ZNF496: variants seen among roughly 807,000 people sequenced by gnomAD.
ZNF496 encodes NSD1 (nuclear receptor binding SET-domain containing 1)-interacting zinc finger protein 1.
In ZNF496, 11 loss-of-function variants were observed where a neutral mutation model predicts 58.9. That is an observed-to-expected ratio of 0.19 (90% CI 0.12 to 0.31). ZNF496 has a LOEUF of 0.31. ZNF496 is among the 10% of genes least tolerant of loss of function. ZNF496 has a pLI of 1.00. For missense variants in ZNF496, 660 were observed against 783.0 expected (o/e 0.84, Z 1.88); for synonymous variants, 338 against 318.2 (o/e 1.06, Z -0.66).
chr1:247,329,590 AT>A lies in ZNF496; in HGVS notation c.-13del. The A allele has an allele frequency of 6.5e-7, 1 of 1,536,142 alleles. No homozygotes were observed. The highest frequency in any genetic ancestry group is 8.7e-7 in the Non-Finnish European group (1 of 1,147,170). ...AGGGCTGTGGGCATGATGGGATTTG[AT>A]GGGGGTCAGCAGCAGAAGACGACCC... On this transcript the variant is annotated 5_prime_UTR_variant, in exon 4 of 10. Coordinates refer to ENST00000682384, the MANE Select transcript of ZNF496 (RefSeq NM_032752.3). The surrounding 1 kb of genome is among the most constrained non-coding windows in gnomAD (Gnocchi z 5.5).
At chr1:247,321,311 T>C (rs555655745) in intron 6 of ZNF496, among the ~76,000 whole-genome samples, 392 of 152,274 alleles carry the variant, frequency 2.6e-3, no homozygotes, top group African/African-American at 8.9e-3. Context: ...GAGGTATTTA[T>C]AGTCAAATTA....
At position 247,308,690 on chromosome 1, in the gene ZNF496, CCCTGGGCTCCGT is replaced by C. The variant is rs1038262569; in HGVS notation, c.893-114_893-103del. 1.8e-6 allele frequency: 2 copies of C among 1,126,292 alleles called. No homozygotes were observed. The highest frequency in any genetic ancestry group is 2.6e-6 in the Non-Finnish European group (2 of 767,762). 69.8% of individuals were successfully genotyped at this position (1,126,292 alleles called of 1,614,324 possible). On this transcript the variant is annotated intron_variant, in intron 8 of 9. Transcript: ENST00000682384. The surrounding 1 kb of genome is among the most constrained non-coding windows in gnomAD (Gnocchi z 4.5). ...ATGCCAGGCTACGATCTGGGGGCGG[CCCTGGGCTCCGT>C]CCTGGGGACTGGCAGGGGGTGGCCA...
chr1:247,309,703 G>A lies in ZNF496; in HGVS notation c.888C>T (p.Tyr296=), dbSNP rs748426576. 1.2e-6 allele frequency: 2 copies of A among 1,614,020 alleles called. No individual in the cohort carries two copies. Among genetic ancestry groups the A allele is most frequent in the Admixed American group, 1.7e-5 (1 of 59,984 alleles). ...AGTTCTGGAATCATTACTCACCCAA[G>A]TAGGAGACCTGGGGCACTTCTTTGC... The part of the protein sequence containing the change: ...LQGKEVPQVS[Y]LDSPSLQPFQ... The change falls in exon 8 of 10, where the codon TAC becomes TAT. Residue 296 remains tyrosine, a synonymous_variant. Transcript: ENST00000682384. The surrounding 1 kb of genome is among the most constrained non-coding windows in gnomAD (Gnocchi z 4.3).
chr1:247,329,689 A>G lies in ZNF496; in HGVS notation c.-37-74T>C. ...TCATTTCTGGGGGACAGTGACAAGGAAACTGTCAATGCCCTCAGAGACCAG... is the reference window on the plus strand; with the variant it reads ...TCATTTCTGGGGGACAGTGACAAGGGAACTGTCAATGCCCTCAGAGACCAG... On this transcript the variant is annotated intron_variant, in intron 3 of 9. Coordinates refer to ENST00000682384, the MANE Select transcript of ZNF496 (RefSeq NM_032752.3). The surrounding 1 kb of genome is among the most constrained non-coding windows in gnomAD (Gnocchi z 5.5). 3 of 1,382,494 alleles carry G rather than the reference A, an allele frequency of 2.2e-6. No homozygotes were observed. The highest frequency in any genetic ancestry group is 1.9e-6 in the Non-Finnish European group (2 of 1,027,140). The allele number at this position is 1,382,494 out of a possible 1,614,324, so 85.6% of individuals were successfully genotyped here.
intron 6 of ZNF496, among the ~76,000 whole-genome samples, chr1:247,315,995 G>A (rs935342688): frequency 5.3e-5 from 8 of 152,098 alleles, no homozygotes; most frequent in African/African-American, 1.4e-4. Flanking sequence ...AACAGGCCTC[G>A]GGAAGCCACT....
Position 247,322,183 on chromosome 1 carries a change from C to T in ZNF496, c.651+971G>A, listed in dbSNP as rs77228628. Among the ~76,000 whole-genome samples, 225 of 152,136 alleles carry T rather than the reference C, an allele frequency of 1.5e-3. 6 individuals are homozygous for T. In the East Asian group the frequency reaches 0.039, roughly 26 times the overall value. On this transcript the variant is annotated intron_variant, in intron 6 of 9. Transcript: ENST00000682384. ...CTGTAGTCCCAGCTGCTCAGGAGAC[C>T]GAGGTGGGAGGATGGCTTGAGCTCA...
Position 247,300,855 on chromosome 1 carries a change from G to A in ZNF496, c.1428C>T (p.Ser476=), listed in dbSNP as rs757709426. The A allele has an allele frequency of 6.2e-7, 1 of 1,610,928 alleles. No individual in the cohort carries two copies. The change falls in exon 10 of 10, where the codon TCC becomes TCT. Residue 476 remains serine, a synonymous_variant. Coordinates refer to ENST00000682384, the MANE Select transcript of ZNF496 (RefSeq NM_032752.3). The surrounding 1 kb of genome is among the most constrained non-coding windows in gnomAD (Gnocchi z 5.7). ...GTATCCGCCGGTGGGAGAGCAGGTG[G>A]GAGTTCAGGCGGAAGCTCTTCCCGC... The part of the protein sequence containing the change: ...GACGKSFRLN[S]HLLSHRRIHL...
intron 6 of ZNF496, chr1:247,313,773 G>A (rs1008419837): frequency 6.6e-6 from 1 of 152,204 alleles, no homozygotes; most frequent in Non-Finnish European, 1.5e-5. Context: ...AGCGGATTAA[G>A]TAAGCTACAG....
chr1:247,316,398 G>T (rs1429297815), intron 6 of ZNF496, among the ~76,000 whole-genome samples: 1 of 152,118 alleles, frequency 6.6e-6, no homozygotes, highest in African/African-American at 2.4e-5. Flanking sequence ...GATCCCCCAT[G>T]TGGCAGTATT....
chr1:247,326,031 CACACGCATATATATATAT>C (rs1482257200), intron 5 of ZNF496, among the ~76,000 whole-genome samples: 4 of 130,788 alleles, frequency 3.1e-5, no homozygotes, highest in Admixed American at 2.6e-4. Flanking sequence ...TATATATATA[CACACGCATATATATATAT>C]ACACACACAC....
chr1:247,309,967 G>T lies in ZNF496; in HGVS notation c.785-161C>A. On this transcript the variant is annotated intron_variant, in intron 7 of 9. Coordinates refer to ENST00000682384, the MANE Select transcript of ZNF496 (RefSeq NM_032752.3). This position sits in a 1 kb window ranked among gnomAD's most constrained non-coding sequence, Gnocchi z 4.3. ...GAGCTGGCAGTGCAGGGGCAGTGGGGGCAGCACACGCAGGGAGAGCTATGG... is the reference window on the plus strand; with the variant it reads ...GAGCTGGCAGTGCAGGGGCAGTGGGTGCAGCACACGCAGGGAGAGCTATGG... 1 of 1,314,596 alleles carries T rather than the reference G, an allele frequency of 7.6e-7. No individual in the cohort carries two copies. Among genetic ancestry groups the T allele is most frequent in the Non-Finnish European group, 1.0e-6 (1 of 984,304 alleles). 81.4% of individuals were successfully genotyped at this position (1,314,596 alleles called of 1,614,324 possible).
intron 6 of ZNF496, among the ~76,000 whole-genome samples, chr1:247,322,455 G>A (rs1659990884): frequency 6.6e-6 from 1 of 152,166 alleles, no homozygotes; most frequent in Admixed American, 6.6e-5. Flanking sequence ...TGTTCCCATG[G>A]GAGGGGATGA....
At chr1:247,318,736 A>C (rs1344210498) in intron 6 of ZNF496, among the ~76,000 whole-genome samples, 6 of 152,212 alleles carry the variant, frequency 3.9e-5, no homozygotes. Context: ...AAGAATGGCT[A>C]AAGAAACACT....
chr1:247,323,376 T>C (rs7540329), intron 5 of ZNF496, 146 bp from the exon 6 acceptor site: 212,022 of 574,198 alleles, frequency 0.37, 41,057 homozygotes, highest in East Asian at 0.51. Context: ...TGTTTCATGG[T>C]GCTTTTCATA....
chr1:247,326,636 G>T (rs558011316), intron 5 of ZNF496, among the ~76,000 whole-genome samples: 1 of 152,248 alleles, frequency 6.6e-6, no homozygotes, highest in African/African-American at 2.4e-5. Context: ...CCTTATACCT[G>T]TTGTTACAGG....
At chr1:247,321,414 G>A (rs1659959889) in intron 6 of ZNF496, among the ~76,000 whole-genome samples, 1 of 152,154 alleles carries the variant, frequency 6.6e-6, no homozygotes, top group South Asian at 2.1e-4. Flanking sequence ...TTCAGTTTGG[G>A]AAGATGAAAA....
chr1:247,305,582 G>C (rs954808712), intron 9 of ZNF496, among the ~76,000 whole-genome samples: 2 of 152,224 alleles, frequency 1.3e-5, no homozygotes, highest in Non-Finnish European at 2.9e-5. Flanking sequence ...CTCTGGCCAG[G>C]AATGAATGAC....
At chr1:247,301,528 C>T (rs1207282522) in intron 9 of ZNF496, among the ~76,000 whole-genome samples, 3 of 152,172 alleles carry the variant, frequency 2.0e-5, no homozygotes, top group Non-Finnish European at 2.9e-5. Flanking sequence ...GCCATTTTCC[C>T]TTATCTCCAC....
chr1:247,303,967 C>T (rs1659325622), intron 9 of ZNF496: 1 of 298,160 alleles, frequency 3.4e-6, no homozygotes, highest in Non-Finnish European at 6.7e-6. Context: ...CTATGGAGGA[C>T]ACCCTCGTCT....
Sources: allele counts gnomAD v4.1 joint callset (sites outside exome capture counted in the v4.1 genomes callset), GRCh38; gene constraint gnomAD v4.1.1; non-coding constraint Gnocchi (gnomAD v3.1); transcripts MANE v1.5; gene names NCBI Gene and HGNC (gene_info 2026-07-23, HGNC 2026-07-21).